Variants in WRN observed in about 807,000 individuals in gnomAD.
WRN encodes the protein bifunctional 3'-5' exonuclease/ATP-dependent helicase WRN.
WRN carries 149 observed loss-of-function variants against 180.7 expected under a neutral mutation model. That is an observed-to-expected ratio of 0.82 (90% CI 0.72 to 0.94). WRN has a LOEUF of 0.94. Ranked by LOEUF, WRN falls within the 40% of genes least tolerant of loss-of-function variation. WRN has a pLI of 0.00. For synonymous variants in WRN, 548 were observed against 568.9 expected (o/e 0.96, Z 0.52); for missense variants, 1,661 against 1,700.1 (o/e 0.98, Z 0.40).
intron 20 of WRN, among the ~76,000 whole-genome samples, chr8:31,117,058 G>A (rs1239637436): frequency 2.0e-5 from 3 of 152,198 alleles, no homozygotes; most frequent in Non-Finnish European, 4.4e-5. Context: ...CGGTTGGCCA[G>A]GTTATAGATG....
intron 5 of WRN, 43 bp from the exon 6 acceptor site, chr8:31,066,990 A>G (rs1812730539): frequency 6.2e-7 from 1 of 1,610,208 alleles, no homozygotes; most frequent in South Asian, 1.1e-5. Context: ...AATACCTGAA[A>G]ACAGGAACTG....
chr8:31,081,683 C>T (rs897964281), intron 9 of WRN, among the ~76,000 whole-genome samples: 4 of 152,072 alleles, frequency 2.6e-5, no homozygotes, highest in African/African-American at 7.2e-5. Flanking sequence ...TGTGGATTCT[C>T]TTCATATCTA....
intron 19 of WRN, among the ~76,000 whole-genome samples, chr8:31,112,092 A>G (rs1801343380): frequency 6.6e-6 from 1 of 152,076 alleles, no homozygotes; most frequent in South Asian, 2.1e-4. Context: ...TTATTTATTT[A>G]TAGAGACAGG....
chr8:31,100,867 T>G lies in WRN; in HGVS notation c.2000T>G (p.Val667Gly), dbSNP rs1585455505. 6.2e-7 allele frequency: 1 copy of G among 1,614,016 alleles called. No individual in the cohort carries two copies. Among genetic ancestry groups the G allele is most frequent in the Non-Finnish European group, 8.5e-7 (1 of 1,179,978 alleles). Residue 667 changes from valine (V) to glycine (G), a missense_variant, in exon 18 of 35, where the codon GTG (valine) becomes GGG (glycine). Physicochemically the swap from Val to Gly is moderately radical, Grantham distance 109. Transcript: ENST00000298139. The part of the protein sequence containing the change: ...EADIGITLIA[V>G]DEAHCISEWG... ...TTTACAGGTATCACGCTCATTGCTG[T>G]GGATGAGGCTCACTGTATTTCTGAG...
intron 8 of WRN, among the ~76,000 whole-genome samples, chr8:31,079,373 A>G (rs1813214446): frequency 6.6e-6 from 1 of 152,226 alleles, no homozygotes; most frequent in African/African-American, 2.4e-5. Context: ...TGGATTTTAA[A>G]TATATAAATA....
chr8:31,050,735 A>G (rs530789148), intron 1 of WRN, among the ~76,000 whole-genome samples: 1 of 152,286 alleles, frequency 6.6e-6, no homozygotes, highest in African/African-American at 2.4e-5. Flanking sequence ...GTGAAATTCA[A>G]TGAATATTTG....
intron 24 of WRN, among the ~76,000 whole-genome samples, chr8:31,138,064 T>C (rs62506095): frequency 0.24 from 36,753 of 151,654 alleles, 4,510 homozygotes; most frequent in South Asian, 0.29. Flanking sequence ...ATGACACCTC[T>C]GCACTCCAGC....
At chr8:31,164,791 C>G (rs1424067373) in intron 33 of WRN, among the ~76,000 whole-genome samples, 1 of 152,078 alleles carries the variant, frequency 6.6e-6, no homozygotes, top group East Asian at 1.9e-4. Flanking sequence ...AATATGATCT[C>G]TTTTAAAACA....
At chr8:31,122,860 G>GTT (rs71206298) in intron 21 of WRN, among the ~76,000 whole-genome samples, 20,897 of 69,416 alleles carry the variant, frequency 0.3, 4,918 homozygotes, top group East Asian at 0.51. Context: ...TTCTTTTCTT[G>GTT]TTTTTTTTTT....
At chr8:31,169,713 G>A (rs941342467) in intron 34 of WRN, among the ~76,000 whole-genome samples, 3 of 151,826 alleles carry the variant, frequency 2.0e-5, no homozygotes, top group Admixed American at 2.0e-4. Flanking sequence ...CTAAAATATG[G>A]AAACTTGGTT....
chr8:31,105,417 C>G (rs778735596), intron 18 of WRN, among the ~76,000 whole-genome samples: 6 of 151,958 alleles, frequency 3.9e-5, no homozygotes, highest in Non-Finnish European at 7.4e-5. Context: ...TACCTTTGCA[C>G]TCATTTTCTT....
chr8:31,124,601 C>A lies in WRN; in HGVS notation c.2710C>A (p.His904Asn). 6.2e-7 allele frequency: 1 copy of A among 1,611,482 alleles called. No homozygotes were observed. Among genetic ancestry groups the A allele is most frequent in the Non-Finnish European group, 8.5e-7 (1 of 1,177,954 alleles). The change falls in exon 22 of 35, where the codon CAT becomes AAT. Residue 904 changes from histidine to asparagine, a missense_variant. Transcript: ENST00000298139. Reference sequence around the variant, plus strand: ...GATGGCAAAGATGGAAAAATATCTTCATTCTAGCAGATGTAGGAGACAGTA... The same window carrying A: ...GATGGCAAAGATGGAAAAATATCTTAATTCTAGCAGATGTAGGAGACAGTA... ...KMMAKMEKYLHSSRCRRQIIL... is the reference protein window; with the variant it reads ...KMMAKMEKYLNSSRCRRQIIL...
intron 24 of WRN, among the ~76,000 whole-genome samples, chr8:31,135,833 T>G (rs1802377958): frequency 6.6e-6 from 1 of 152,122 alleles, no homozygotes; most frequent in African/African-American, 2.4e-5. Flanking sequence ...TTCTTTTTCT[T>G]TTTTCTTTTT....
chr8:31,055,858 C>G (rs1271652254), intron 1 of WRN, among the ~76,000 whole-genome samples: 1 of 152,128 alleles, frequency 6.6e-6, no homozygotes, highest in Non-Finnish European at 1.5e-5. Context: ...CCGAAAATAA[C>G]CTTTACCTCG....
chr8:31,097,638 G>T (rs1814043494), intron 17 of WRN, among the ~76,000 whole-genome samples: 1 of 152,082 alleles, frequency 6.6e-6, no homozygotes, highest in South Asian at 2.1e-4. Context: ...AATTGGCCGA[G>T]CCTGGTGGTG....
intron 1 of WRN, among the ~76,000 whole-genome samples, chr8:31,038,635 T>A (rs13269094): frequency 3.3e-5 from 5 of 151,996 alleles, no homozygotes; most frequent in African/African-American, 1.2e-4. Flanking sequence ...CCAAATCCAA[T>A]GCCATGAAGA....
At chr8:31,099,637 G>C (rs1191074977) in intron 17 of WRN, among the ~76,000 whole-genome samples, 1 of 147,742 alleles carries the variant, frequency 6.8e-6, no homozygotes, top group African/African-American at 2.5e-5. Flanking sequence ...TTAGTGAATT[G>C]TAATTGTTTA....
intron 28 of WRN, among the ~76,000 whole-genome samples, chr8:31,144,481 G>GC (rs1240078929): frequency 6.6e-6 from 1 of 151,762 alleles, no homozygotes; most frequent in African/African-American, 2.4e-5. Flanking sequence ...GACTACAGGC[G>GC]CCCCCCGATC....
intron 1 of WRN, among the ~76,000 whole-genome samples, chr8:31,046,099 T>G (rs973202067): frequency 3.9e-5 from 6 of 152,216 alleles, no homozygotes; most frequent in African/African-American, 1.2e-4. Flanking sequence ...TATAATTGTA[T>G]AATTTGGACT....
Sources: gnomAD v4.1 joint callset for allele counts (sites outside exome capture counted in the v4.1 genomes callset) on GRCh38, gnomAD v4.1.1 for gene constraint, MANE v1.5 for transcripts, NCBI Gene and HGNC (gene_info 2026-07-23, HGNC 2026-07-21) for gene names.